The following DCDC2C variants were observed in gnomAD, a reference collection of about 807,000 sequenced individuals.
DCDC2C encodes the protein doublecortin domain containing 2C, also known as doublecortin domain-containing protein 2C.
Under a neutral mutation model 45.0 loss-of-function variants are expected in DCDC2C, and 44 were observed. The observed-to-expected ratio is 0.98, with a 90% CI of 0.77 to 1.26. The LOEUF (loss-of-function observed/expected upper bound fraction) is 1.26. Among genes scored for constraint, DCDC2C ranks in the 50% most tolerant of loss-of-function variants. The probability of loss-of-function intolerance (pLI) is 0.00; values close to 1 mark genes in which losing one functional copy is unlikely to be tolerated. For missense variants in DCDC2C, 447 were observed against 468.9 expected, an observed-to-expected ratio of 0.95 and a Z score of 0.43; for synonymous variants, 187 against 178.8, an observed-to-expected ratio of 1.05 and a Z score of -0.37.
At chr2:3,704,098 C>G (rs1473036298) in intron 1 of DCDC2C, 60 bp downstream of exon 1, 1 of 1,219,230 alleles carries the variant, frequency 8.2e-7, no homozygotes, top group Middle Eastern at 3.1e-4. Context: ...TGGGTCTGAG[C>G]GTGGTCAGGG....
In DCDC2C at chr2:3,712,527, G is replaced by A. The variant is rs559269042; in HGVS notation, c.339+3927G>A. On this transcript the variant is annotated intron_variant, in intron 2 of 10. Transcript: ENST00000399143. ...AAAAATTATCCAGGCATGGTGGCAC[G>A]TGGGAAGCTGAGGCGGGAGGATCAC... Among the ~76,000 whole-genome samples the A allele has an allele frequency of 1.7e-4, 26 of 151,798 alleles. No homozygotes were observed. In the East Asian group the frequency reaches 3.3e-3, roughly 19 times the overall value.
At chr2:3,716,635 G>A (rs553733296) in intron 2 of DCDC2C, among the ~76,000 whole-genome samples, 4 of 152,282 alleles carry the variant, frequency 2.6e-5, no homozygotes, top group Admixed American at 1.3e-4. Flanking sequence ...ACGTGATGAT[G>A]GGAGTAGCCA....
intron 6 of DCDC2C, among the ~76,000 whole-genome samples, chr2:3,765,611 C>T (rs184744065): frequency 1.7e-4 from 26 of 152,142 alleles, no homozygotes; most frequent in Non-Finnish European, 2.8e-4. Context: ...AGTGATGAGG[C>T]GTGCTGGCAT....
chr2:3,716,194 G>A (rs577593858), intron 2 of DCDC2C, among the ~76,000 whole-genome samples: 65 of 152,260 alleles, frequency 4.3e-4, no homozygotes, highest in African/African-American at 1.4e-3. Flanking sequence ...ATGAATTCAC[G>A]CTGGGAGTCA....
intron 10 of DCDC2C, among the ~76,000 whole-genome samples, chr2:3,842,963 C>T (rs143980882): frequency 4.6e-5 from 7 of 152,322 alleles, no homozygotes; most frequent in African/African-American, 1.7e-4. Flanking sequence ...GTAACACAGT[C>T]TCGGGCAGGT....
intron 6 of DCDC2C, among the ~76,000 whole-genome samples, chr2:3,763,854 T>C (rs1669950216): frequency 6.6e-6 from 1 of 152,224 alleles, no homozygotes; most frequent in African/African-American, 2.4e-5. Context: ...TTTAGTCATG[T>C]ATTTTCCAGC....
At chr2:3,837,615 A>C (rs1672112822) in intron 10 of DCDC2C, among the ~76,000 whole-genome samples, 16 of 101,882 alleles carry the variant, frequency 1.6e-4, no homozygotes, top group Non-Finnish European at 1.6e-4. Context: ...AGGGGAAGAA[A>C]CTGAGGAAGA....
intron 3 of DCDC2C, 51 bp downstream of exon 3, chr2:3,727,130 A>G: frequency 7.0e-7 from 1 of 1,423,786 alleles, no homozygotes; most frequent in East Asian, 2.5e-5. Context: ...TAACTCCCTA[A>G]AAACAATACT....
intron 3 of DCDC2C, among the ~76,000 whole-genome samples, chr2:3,736,492 T>G (rs1669030932): frequency 6.6e-6 from 1 of 152,104 alleles, no homozygotes; most frequent in Non-Finnish European, 1.5e-5. Context: ...TTGAGTTTAG[T>G]GGCAGTTATA....
At chr2:3,815,143 G>C (rs1479462994) in intron 10 of DCDC2C, among the ~76,000 whole-genome samples, 1 of 152,224 alleles carries the variant, frequency 6.6e-6, no homozygotes, top group Admixed American at 6.5e-5. Flanking sequence ...TTCTAGGATT[G>C]GTACGCTAGG....
At chr2:3,777,267 A>T (rs762772250) in intron 8 of DCDC2C, among the ~76,000 whole-genome samples, 1 of 152,202 alleles carries the variant, frequency 6.6e-6, no homozygotes, top group Non-Finnish European at 1.5e-5. Context: ...CATATATGTT[A>T]AATACTATTA....
At position 3,818,140 on chromosome 2, in the gene DCDC2C, G is replaced by A. The variant is rs1035323776; in HGVS notation, c.1066-29014G>A. ...GGGTGTCCTGTTGGGAAGATTTGTA[G>A]GAGGGGCTATAAAGTAGAAGGTCAT... is the stretch of plus-strand genomic sequence containing the variant. On this transcript the variant is annotated intron_variant, in intron 10 of 10. Coordinates refer to ENST00000399143, the MANE Select transcript of DCDC2C (RefSeq NM_001287444.2). The surrounding 1 kb of genome is among the most constrained non-coding windows in gnomAD (Gnocchi z 4.7). Among the ~76,000 whole-genome samples, 2 of 152,284 alleles carry A rather than the reference G, an allele frequency of 1.3e-5. No homozygotes were observed.
intron 4 of DCDC2C, among the ~76,000 whole-genome samples, chr2:3,748,467 C>T (rs569866465): frequency 5.3e-5 from 8 of 151,772 alleles, no homozygotes; most frequent in East Asian, 1.9e-4. Flanking sequence ...GGGTGACTGT[C>T]GGTACCATTC....
intron 2 of DCDC2C, among the ~76,000 whole-genome samples, chr2:3,726,324 A>G (rs903219614): frequency 2.0e-5 from 3 of 152,076 alleles, no homozygotes; most frequent in African/African-American, 4.8e-5. Context: ...TCCCTTCCCA[A>G]TCAGAGCTCC....
At chr2:3,740,707 G>A (rs1486556832) in intron 3 of DCDC2C, among the ~76,000 whole-genome samples, 5 of 152,116 alleles carry the variant, frequency 3.3e-5, no homozygotes, top group Non-Finnish European at 7.4e-5. Flanking sequence ...TGTGGGCAGC[G>A]TCTTAAATAT....
chr2:3,754,922 C>G (rs527635256), intron 6 of DCDC2C, among the ~76,000 whole-genome samples: 7 of 152,178 alleles, frequency 4.6e-5, no homozygotes, highest in Admixed American at 1.3e-4. Context: ...TATATTTGGA[C>G]TTTTACGGGA....
chr2:3,835,750 C>T (rs1672061547), intron 10 of DCDC2C, among the ~76,000 whole-genome samples: 1 of 148,256 alleles, frequency 6.7e-6, no homozygotes, highest in African/African-American at 2.5e-5. Flanking sequence ...GGACAAGATC[C>T]TTTTTTTTTT....
intron 10 of DCDC2C, among the ~76,000 whole-genome samples, chr2:3,800,728 C>G (rs1671092415): frequency 6.7e-6 from 1 of 148,612 alleles, no homozygotes; most frequent in South Asian, 2.1e-4. Flanking sequence ...TGTTTAATAA[C>G]ATTCATAGTT....
At chr2:3,840,856 G>A (rs1297014519) in intron 10 of DCDC2C, among the ~76,000 whole-genome samples, 1 of 152,218 alleles carries the variant, frequency 6.6e-6, no homozygotes, top group South Asian at 2.1e-4. Flanking sequence ...GCGAGGCCCC[G>A]TGATTCACTA....
Sources: gnomAD v4.1 joint callset for allele counts (sites outside exome capture counted in the v4.1 genomes callset) on GRCh38, gnomAD v4.1.1 for gene constraint, Gnocchi (gnomAD v3.1) non-coding constraint, MANE v1.5 for transcripts, NCBI Gene and HGNC (gene_info 2026-07-23, HGNC 2026-07-21) for gene names.